The following GREB1 variants were observed in gnomAD, a reference collection of about 807,000 sequenced individuals.
The protein encoded by GREB1 is protein GREB1.
Under a neutral mutation model 200.7 loss-of-function variants are expected in GREB1, and 106 were observed. The observed-to-expected ratio is 0.53, with a 90% CI of 0.45 to 0.62. The LOEUF is 0.62. GREB1 is among the 20% of genes least tolerant of loss of function. The probability of loss-of-function intolerance (pLI) is 0.00; values close to 1 mark genes in which losing one functional copy is unlikely to be tolerated. For missense variants in GREB1, 2,243 were observed against 2,556.8 expected, an observed-to-expected ratio of 0.88 and a Z score of 2.65; for synonymous variants, 1,132 against 1,092.4, an observed-to-expected ratio of 1.04 and a Z score of -0.72.
At chr2:11,614,985 AC>A in intron 19 of GREB1, 105 bp from the exon 20 acceptor site, 1 of 838,674 alleles carries the variant, frequency 1.2e-6, no homozygotes, top group Non-Finnish European at 2.0e-6. Context: ...TTGGGTCCTC[AC>A]CAGGAAGGTG....
chr2:11,640,250 T>C lies in GREB1; in HGVS notation c.5687-41T>C, dbSNP rs200421905. 2.6e-3 allele frequency: 4,181 copies of C among 1,581,224 alleles called. 13 individuals are homozygous for C. The highest frequency in any genetic ancestry group is 3.2e-3 in the Non-Finnish European group (3,769 of 1,162,800). ...GGCAGCCGCTTTCCTCTGGATAAAC[T>C]CACCTTTTCCCTTCCCACACCTCTG... is the stretch of plus-strand genomic sequence containing the variant. On this transcript the variant is annotated intron_variant, in intron 32 of 32. Coordinates refer to ENST00000381486, the MANE Select transcript of GREB1 (RefSeq NM_014668.4). This position sits in a 1 kb window ranked among gnomAD's most constrained non-coding sequence, Gnocchi z 4.6.
upstream of GREB1, among the ~76,000 whole-genome samples, chr2:11,533,568 T>C (rs761527630): frequency 2.0e-5 from 3 of 152,210 alleles, no homozygotes; most frequent in Non-Finnish European, 4.4e-5. Flanking sequence ...AATTTCATTA[T>C]TTATGCTTGA....
chr2:11,491,330 A>C (rs1053167400), intron 1 of GREB1, among the ~76,000 whole-genome samples: 1 of 152,162 alleles, frequency 6.6e-6, no homozygotes, highest in Admixed American at 6.5e-5. Context: ...GTTTTGTTTT[A>C]TTTCTTTTAA....
chr2:11,491,487 A>G (rs185997821), intron 1 of GREB1, among the ~76,000 whole-genome samples: 3 of 152,354 alleles, frequency 2.0e-5, no homozygotes, highest in East Asian at 1.9e-4. Context: ...AGTAGGGCCA[A>G]TGACTTAATT....
At chr2:11,630,877 C>T (rs184983292) in intron 26 of GREB1, among the ~76,000 whole-genome samples, 3 of 152,202 alleles carry the variant, frequency 2.0e-5, no homozygotes, top group African/African-American at 7.2e-5. Flanking sequence ...TAACCAGCCC[C>T]GCTCAAGGCA....
intron 1 of GREB1, among the ~76,000 whole-genome samples, chr2:11,502,477 C>T (rs1673075991): frequency 6.6e-6 from 1 of 152,004 alleles, no homozygotes; most frequent in Non-Finnish European, 1.5e-5. Flanking sequence ...CTGCTTTGGC[C>T]TCCCAAAGTG....
intron 1 of GREB1, among the ~76,000 whole-genome samples, chr2:11,552,972 T>C (rs527273563): frequency 8.1e-4 from 109 of 135,108 alleles, no homozygotes; most frequent in Non-Finnish European, 1.3e-3. Context: ...ATCGCGCCAC[T>C]GCACTCCAGC....
chr2:11,587,736 C>CAA, intron 9 of GREB1: 1 of 1,198,004 alleles, frequency 8.3e-7, no homozygotes, highest in South Asian at 2.7e-5. Context: ...CACACACACA[C>CAA]ACACACGCCA....
intron 4 of GREB1, among the ~76,000 whole-genome samples, chr2:11,569,613 G>A (rs1315469249): frequency 6.6e-6 from 1 of 152,206 alleles, no homozygotes; most frequent in Non-Finnish European, 1.5e-5. Flanking sequence ...TTTATCGTGT[G>A]CCAGAAACTG....
chr2:11,602,062 G>A (rs904991954), intron 16 of GREB1, among the ~76,000 whole-genome samples: 1 of 152,118 alleles, frequency 6.6e-6, no homozygotes, highest in Non-Finnish European at 1.5e-5. Flanking sequence ...TAATTGATTT[G>A]CCCATTCCTA....
chr2:11,579,488 C>G (rs912807882), intron 6 of GREB1, among the ~76,000 whole-genome samples: 1 of 152,224 alleles, frequency 6.6e-6, no homozygotes, highest in Non-Finnish European at 1.5e-5. Flanking sequence ...GTGTTACACA[C>G]CAGGCACTGT....
At chr2:11,587,061 C>T (rs1680179923) in intron 9 of GREB1, among the ~76,000 whole-genome samples, 1 of 152,192 alleles carries the variant, frequency 6.6e-6, no homozygotes, top group South Asian at 2.1e-4. Context: ...AAAGAAAGCC[C>T]AGCAAGTCTA....
At chr2:11,612,193 CAA>C (rs59217779) in intron 18 of GREB1, 1,732 of 238,888 alleles carry the variant, frequency 7.3e-3, no homozygotes, top group Middle Eastern at 0.011. Context: ...GACTCTGTCT[CAA>C]AAAAAAAAAA....
intron 18 of GREB1, among the ~76,000 whole-genome samples, chr2:11,611,595 C>T (rs1476642639): frequency 6.6e-6 from 1 of 152,224 alleles, no homozygotes; most frequent in Admixed American, 6.5e-5. Flanking sequence ...GTGAGCTGCC[C>T]TGCTTATTTT....
chr2:11,570,401 TAAAAAA>T (rs202175567), intron 4 of GREB1, among the ~76,000 whole-genome samples: 3 of 132,294 alleles, frequency 2.3e-5, no homozygotes, highest in African/African-American at 8.0e-5. Context: ...GAAACTCCAT[TAAAAAA>T]AAAAAAAAAA....
chr2:11,495,795 C>CTTTTTTTTTTTTTTT (rs1393933225), intron 1 of GREB1, among the ~76,000 whole-genome samples: 1 of 140,470 alleles, frequency 7.1e-6, no homozygotes, highest in African/African-American at 2.7e-5. Flanking sequence ...TAAGTCCCCC[C>CTTTTTTTTTTTTTTT]GTTTTTTTTT....
chr2:11,484,360 A>C (rs1216833588), intron 1 of GREB1, among the ~76,000 whole-genome samples: 1 of 152,152 alleles, frequency 6.6e-6, no homozygotes, highest in Non-Finnish European at 1.5e-5. Context: ...GGTTCATTTA[A>C]AGTTTGCAGT....
At chr2:11,589,101 A>G (rs1680473215) in intron 10 of GREB1, among the ~76,000 whole-genome samples, 170 bp downstream of exon 10, 1 of 152,138 alleles carries the variant, frequency 6.6e-6, no homozygotes, top group African/African-American at 2.4e-5. Flanking sequence ...GCGTCCCCAC[A>G]CTGGGGGGCT....
intron 4 of GREB1, among the ~76,000 whole-genome samples, chr2:11,567,579 G>T (rs1345302500): frequency 6.6e-6 from 1 of 152,186 alleles, no homozygotes; most frequent in African/African-American, 2.4e-5. Flanking sequence ...TCTTGACCAT[G>T]TTGTGGTCAA....
Sources: gnomAD v4.1 joint callset for allele counts (sites outside exome capture counted in the v4.1 genomes callset) on GRCh38, gnomAD v4.1.1 for gene constraint, Gnocchi (gnomAD v3.1) non-coding constraint, MANE v1.5 for transcripts, NCBI Gene and HGNC (gene_info 2026-07-23, HGNC 2026-07-21) for gene names.